Variants in GABRQ observed in about 807,000 individuals in gnomAD.
GABRQ encodes gamma-aminobutyric acid receptor subunit theta.
A neutral mutation model predicts 30.5 loss-of-function variants in GABRQ; 19 were observed. That is an observed-to-expected ratio of 0.62 (90% CI 0.43 to 0.91). The LOEUF (loss-of-function observed/expected upper bound fraction) is 0.91, where lower values mean the gene tolerates loss of function less well. Ranked by LOEUF, GABRQ falls within the 40% of genes least tolerant of loss-of-function variation. GABRQ has a pLI of 0.00. For missense variants in GABRQ, 520 were observed against 521.4 expected, an observed-to-expected ratio of 1.00 and a Z score of 0.03; for synonymous variants, 187 against 210.2, an observed-to-expected ratio of 0.89 and a Z score of 0.95.
At position 152,652,599 on chromosome X, in the gene GABRQ, C is replaced by A. The variant is rs1556820428; in HGVS notation, c.1217C>A (p.Ala406Asp). ...VSSLPITPAQ[A>D]PLASPESLGS... ...TCTCTCCCCATCACCCCAGCGCAGG[C>A]CCCCCTGGCAAGCCCGGAAAGCCTC... Residue 406 changes from alanine to aspartate, a missense_variant, in exon 9 of 9, where the codon GCC becomes GAC. By Grantham distance (126) the Ala-to-Asp change is moderately radical. Transcript: ENST00000598523. 1 of 1,208,945 alleles carries A rather than the reference C, an allele frequency of 8.3e-7. No homozygotes were observed. Among genetic ancestry groups the A allele is most frequent in the Admixed American group, 2.2e-5 (1 of 46,088 alleles).
chrX:152,643,229 G>A (rs5925195), intron 2 of GABRQ, among the ~76,000 whole-genome samples: 31,083 of 111,295 alleles, frequency 0.28, 4,429 homozygotes, highest in African/African-American at 0.56. Context: ...CTGTCACCAC[G>A]TAACACTTTT....
In GABRQ at chrX:152,652,694, C is replaced by T; in HGVS notation, c.1312C>T (p.Leu438Phe). ...TSESLSPLTS[L>F]SGQAPLATGE... ...GGAAAGCCTCAGCCCACTCACTTCT[C>T]TCTCAGGCCAGGCCCCCCTGGCCAC... is the stretch of plus-strand genomic sequence containing the variant. The change falls in exon 9 of 9, where the codon CTC (leucine) becomes TTC (phenylalanine). Residue 438 changes from leucine to phenylalanine, a missense_variant. Transcript: ENST00000598523. 1 of 1,211,155 alleles carries T rather than the reference C, an allele frequency of 8.3e-7. No homozygotes were observed. Among genetic ancestry groups the T allele is most frequent in the African/African-American group, 1.7e-5 (1 of 57,860 alleles).
chrX:152,647,065 G>A lies in GABRQ; in HGVS notation c.424G>A (p.Asp142Asn). ...YRMHEKLWVP[D>N]CYFLNSKDAF... is the part of the protein sequence containing the mutation. ...GATGCATGAGAAGTTGTGGGTCCCT[G>A]ACTGCTACTTTCTGAACAGCAAGGA... Residue 142 changes from aspartate (D) to asparagine (N), a missense_variant, in exon 4 of 9, where the codon GAC becomes AAC. By Grantham distance (23) the Asp-to-Asn change is conservative. Coordinates refer to ENST00000598523, the MANE Select transcript of GABRQ (RefSeq NM_018558.4). The A allele has an allele frequency of 1.7e-6, 2 of 1,208,878 alleles. No individual in the cohort carries two copies. Among genetic ancestry groups the A allele is most frequent in the Middle Eastern group, 4.6e-4 (2 of 4,348 alleles).
chrX:152,649,394 G>A, intron 5 of GABRQ, 61 bp downstream of exon 5: 1 of 695,307 alleles, frequency 1.4e-6, no homozygotes. Flanking sequence ...CAGGGAAGCA[G>A]AGGCTGAATT....
At position 152,647,110 on chromosome X, in the gene GABRQ, A is replaced by T. The variant is rs1930908353; in HGVS notation, c.469A>T (p.Thr157Ser). The T allele has an allele frequency of 8.3e-7, 1 of 1,211,043 alleles. No homozygotes were observed. The highest frequency in any genetic ancestry group is 1.1e-6 in the Non-Finnish European group (1 of 894,863). Reference protein sequence around the residue: ...NSKDAFVHDVTVENRVFQLHP... With the variant: ...NSKDAFVHDVSVENRVFQLHP... ...CAAGGATGCTTTCGTGCATGATGTGACTGTGGAGAATCGCGTGTTTCAGCT... is the reference window on the plus strand; with the variant it reads ...CAAGGATGCTTTCGTGCATGATGTGTCTGTGGAGAATCGCGTGTTTCAGCT... The change falls in exon 4 of 9, where the codon ACT becomes TCT. Residue 157 changes from threonine (T) to serine (S), a missense_variant. Thr to Ser is a moderately conservative substitution (Grantham distance 58). Coordinates refer to ENST00000598523, the MANE Select transcript of GABRQ (RefSeq NM_018558.4).
chrX:152,643,717 ACATT>A (rs781955944), intron 2 of GABRQ, among the ~76,000 whole-genome samples: 148 of 112,123 alleles, frequency 1.3e-3, no homozygotes, highest in Middle Eastern at 4.6e-3. Flanking sequence ...TCACACTCAC[ACATT>A]AACACACACA....
At chrX:152,648,713 C>A (rs782275365) in intron 4 of GABRQ, among the ~76,000 whole-genome samples, 1 of 112,297 alleles carries the variant, frequency 8.9e-6, no homozygotes, top group East Asian at 2.8e-4. Flanking sequence ...CTCCTGCCCA[C>A]TTCGTGTACT....
downstream of GABRQ, among the ~76,000 whole-genome samples, chrX:152,658,904 A>G (rs1556821469): frequency 8.9e-6 from 1 of 111,980 alleles, no homozygotes; most frequent in Non-Finnish European, 1.9e-5. Context: ...CCTTTCGTGA[A>G]GAAAGTGAAA....
rs1186307732 is a variant in GABRQ, at chrX:152,646,962, G to A, written c.321G>A (p.Thr107=). 4 of 1,200,027 alleles carry A rather than the reference G, an allele frequency of 3.3e-6. No individual in the cohort carries two copies. The highest frequency in any genetic ancestry group is 3.0e-5 in the East Asian group (1 of 33,739). The part of the protein sequence containing the change: ...ISEMNMDYTI[T]MFFHQTWKDS... ...TGTCTTCCCAGGACTACACGATCAC[G>A]ATGTTTTTTCATCAGACTTGGAAAG... Residue 107 remains threonine (T), a synonymous_variant, in exon 4 of 9, where the codon ACG becomes ACA. Transcript: ENST00000598523.
Position 152,640,481 on chromosome X carries a change from GAC to G in GABRQ, c.238+18_238+19del, listed in dbSNP as rs782646510. ...GAATTTTGGAGGTAAGGCATATCCA[GAC>G]ACTAGAGAACTTGGGTTAGGTGTCC... is the stretch of plus-strand genomic sequence containing the variant. On this transcript the variant is annotated intron_variant, in intron 2 of 8. Transcript: ENST00000598523. The G allele has an allele frequency of 4.2e-5, 43 of 1,033,281 alleles. No homozygotes were observed. Among genetic ancestry groups the G allele is most frequent in the Non-Finnish European group, 5.7e-5 (42 of 733,811 alleles). The allele number at this position is 1,033,281 out of a possible 1,213,427, so 85.2% of individuals were successfully genotyped here.
At position 152,657,131 on chromosome X, in the gene GABRQ, G is replaced by T. The variant is rs190036278; in HGVS notation, c.*3850G>T. On this transcript the variant is annotated 3_prime_UTR_variant, in exon 9 of 9. Transcript: ENST00000598523. The stretch of plus-strand genomic sequence containing the variant: ...AAGGTGCCCGAATTTAGCACAGCTG[G>T]CTGTGGTGCCTGACATAGGGCAGTA... 1 of 112,314 alleles carries T rather than the reference G, an allele frequency of 8.9e-6. No individual in the cohort carries two copies. Among genetic ancestry groups the T allele is most frequent in the Middle Eastern group, 4.6e-3 (1 of 218 alleles). 9.3% of individuals were successfully genotyped at this position (112,314 alleles called of 1,213,427 possible).
chrX:152,647,185 T>G lies in GABRQ; in HGVS notation c.527+17T>G, dbSNP rs1930911306. The G allele has an allele frequency of 9.1e-7, 1 of 1,094,003 alleles. No individual in the cohort carries two copies. The highest frequency in any genetic ancestry group is 3.0e-5 in the East Asian group (1 of 33,300). 90.2% of individuals were successfully genotyped at this position (1,094,003 alleles called of 1,213,427 possible). On this transcript the variant is annotated intron_variant, in intron 4 of 8. Transcript: ENST00000598523. Reference sequence around the variant, plus strand: ...CGGCATCCGGTGAGTCCCCTAGGGGTCTGGGGATGTCCCAGCAGACTTCCT... The same window carrying G: ...CGGCATCCGGTGAGTCCCCTAGGGGGCTGGGGATGTCCCAGCAGACTTCCT...
At position 152,652,703 on chromosome X, in the gene GABRQ, C is replaced by T; in HGVS notation, c.1321C>T (p.Gln441Ter). ...CAGCCCACTCACTTCTCTCTCAGGC[C>T]AGGCCCCCCTGGCCACTGGAGAAAG... ...SLSPLTSLSG[Q>*]APLATGESLS... Residue 441 changes from glutamine (Q) to a stop codon, truncating the protein, a stop_gained, in exon 9 of 9, where the codon CAG becomes TAG. Coordinates refer to ENST00000598523, the MANE Select transcript of GABRQ (RefSeq NM_018558.4). LOFTEE classifies it low-confidence loss of function (END_TRUNC). The T allele has an allele frequency of 8.3e-7, 1 of 1,211,633 alleles. No homozygotes were observed. Among genetic ancestry groups the T allele is most frequent in the African/African-American group, 1.7e-5 (1 of 57,929 alleles).
chrX:152,649,894 T>C lies in GABRQ; in HGVS notation c.748+15T>C. 1 of 1,171,784 alleles carries C rather than the reference T, an allele frequency of 8.5e-7. No homozygotes were observed. The highest frequency in any genetic ancestry group is 1.2e-6 in the Non-Finnish European group (1 of 861,418). On this transcript the variant is annotated intron_variant, in intron 6 of 8. Coordinates refer to ENST00000598523, the MANE Select transcript of GABRQ (RefSeq NM_018558.4). The stretch of plus-strand genomic sequence containing the variant: ...TTTCTACACAGGTGGGTCTGACCCC[T>C]TCCTTCTCTCCTGTCTCATGTCTGC...
At chrX:152,645,636 C>A in intron 3 of GABRQ, 42 bp downstream of exon 3, 2 of 764,906 alleles carry the variant, frequency 2.6e-6, no homozygotes, top group Non-Finnish European at 4.1e-6. Flanking sequence ...GAACAGAGGA[C>A]ATGGAACAAG....
intron 4 of GABRQ, 80 bp downstream of exon 4, chrX:152,647,248 A>G: frequency 1.4e-6 from 1 of 725,580 alleles, no homozygotes. Context: ...ACTCTAAGGG[A>G]CACACAAAGG....
chrX:152,656,603 G>A lies in GABRQ; in HGVS notation c.*3322G>A, dbSNP rs1284644087. 4 of 112,536 alleles carry A rather than the reference G, an allele frequency of 3.6e-5. No homozygotes were observed. Among genetic ancestry groups the A allele is most frequent in the African/African-American group, 1.3e-4 (4 of 30,937 alleles). The allele number at this position is 112,536 out of a possible 1,213,427, so 9.3% of individuals were successfully genotyped here. On this transcript the variant is annotated 3_prime_UTR_variant, in exon 9 of 9. Coordinates refer to ENST00000598523, the MANE Select transcript of GABRQ (RefSeq NM_018558.4). ...TGGGTCTTACTAGAGCCTGTCAAAT[G>A]TATTCTTACAATTCATGTCATCTTG...
At chrX:152,649,476 G>C in intron 5 of GABRQ, 143 bp downstream of exon 5, 1 of 478,504 alleles carries the variant, frequency 2.1e-6, no homozygotes, top group Non-Finnish European at 3.8e-6. Flanking sequence ...ATAAATAGAC[G>C]ATAGAGGATA....
rs782201190 is a variant in GABRQ at position 152,638,325 on chromosome X, C to T, written c.123C>T (p.Pro41=). 2.5e-6 allele frequency: 3 copies of T among 1,211,710 alleles called. No individual in the cohort carries two copies. The highest frequency in any genetic ancestry group is 1.8e-5 in the South Asian group (1 of 57,015). ...ACTTCGAGTTCTCCTCTGCTGTGCC[C>T]GAAGTCGTCCTGAACCTCTTCAACT... is the stretch of plus-strand genomic sequence containing the variant. The part of the protein sequence containing the change: ...KFHFEFSSAV[P]EVVLNLFNCK... The change falls in exon 1 of 9, where the codon CCC becomes CCT. Residue 41 remains proline (P), a synonymous_variant. Coordinates refer to ENST00000598523, the MANE Select transcript of GABRQ (RefSeq NM_018558.4).
Sources: gnomAD v4.1 joint callset for allele counts (sites outside exome capture counted in the v4.1 genomes callset) on GRCh38, gnomAD v4.1.1 for gene constraint, MANE v1.5 for transcripts, NCBI Gene and HGNC (gene_info 2026-07-23, HGNC 2026-07-21) for gene names.